The following PAX2 variants were observed in gnomAD, a reference collection of about 807,000 sequenced individuals.
PAX2 encodes the protein paired box protein Pax-2.
Under a neutral mutation model 41.7 loss-of-function variants are expected in PAX2, and 9 were observed. The observed-to-expected ratio is 0.22, with a 90% CI of 0.13 to 0.38. The LOEUF is 0.38. Among genes scored for constraint, PAX2 ranks in the 10% least tolerant of loss-of-function variants. The probability of loss-of-function intolerance (pLI) is 1.00; values close to 1 mark genes in which losing one functional copy is unlikely to be tolerated. For missense variants in PAX2, 418 were observed against 531.6 expected, an observed-to-expected ratio of 0.79 and a Z score of 2.10; for synonymous variants, 221 against 212.7, an observed-to-expected ratio of 1.04 and a Z score of -0.34.
intron 1 of PAX2, among the ~76,000 whole-genome samples, chr10:100,739,680 CCCCG>C (rs998702920): frequency 6.6e-6 from 1 of 152,216 alleles, no homozygotes; most frequent in Non-Finnish European, 1.5e-5. Context: ...TTTCGGCCGC[CCCCG>C]GCTGTCGCCT....
At chr10:100,798,905 G>T (rs1181045507) in intron 5 of PAX2, among the ~76,000 whole-genome samples, 1 of 152,260 alleles carries the variant, frequency 6.6e-6, no homozygotes, top group African/African-American at 2.4e-5. Context: ...GGCCTGCACA[G>T]GCAGGCTGCC....
At chr10:100,743,370 C>T (rs1845035253), upstream of PAX2, among the ~76,000 whole-genome samples, 3 of 152,084 alleles carry the variant, frequency 2.0e-5, 1 homozygote, top group East Asian at 3.9e-4. Context: ...TTTCATGGTA[C>T]TTGTAACATA....
chr10:100,735,836 C>A, intron 1 of PAX2: 3 of 785,064 alleles, frequency 3.8e-6, no homozygotes, highest in Non-Finnish European at 3.1e-6. Flanking sequence ...CATCCCTGTG[C>A]TCAGTACCCG....
chr10:100,784,853 T>C (rs1203123722), intron 5 of PAX2, among the ~76,000 whole-genome samples: 2 of 152,208 alleles, frequency 1.3e-5, no homozygotes, highest in Non-Finnish European at 2.9e-5. Context: ...TCCCATGCCT[T>C]GGCCTTTGAG....
intron 5 of PAX2, among the ~76,000 whole-genome samples, chr10:100,799,789 C>CTTTTTTTT (rs56012188): frequency 1.1e-5 from 1 of 89,894 alleles, no homozygotes; most frequent in African/African-American, 3.7e-5. Flanking sequence ...TAGTGTAATT[C>CTTTTTTTT]TTTTTTTTTT....
At chr10:100,774,207 G>T (rs1846308130) in intron 3 of PAX2, among the ~76,000 whole-genome samples, 1 of 152,202 alleles carries the variant, frequency 6.6e-6, no homozygotes, top group South Asian at 2.1e-4. Flanking sequence ...GGAGTTTCAT[G>T]CAGGGCTTTC....
upstream of PAX2, among the ~76,000 whole-genome samples, chr10:100,744,839 C>T (rs544753807): frequency 6.6e-6 from 1 of 152,320 alleles, no homozygotes; most frequent in East Asian, 1.9e-4. Context: ...TCTGGACTGC[C>T]CAGACCCGGT....
intron 5 of PAX2, among the ~76,000 whole-genome samples, chr10:100,787,969 G>T (rs963199500): frequency 6.6e-6 from 1 of 152,116 alleles, no homozygotes; most frequent in Non-Finnish European, 1.5e-5. Flanking sequence ...ACCGAGGGAG[G>T]TGGGGGATCT....
chr10:100,750,802 G>A lies in PAX2; in HGVS notation c.321G>A (p.Pro107=). 11 of 1,614,202 alleles carry A rather than the reference G, an allele frequency of 6.8e-6. No homozygotes were observed. Among genetic ancestry groups the A allele is most frequent in the Middle Eastern group, 1.6e-4 (1 of 6,062 alleles). The change falls in exon 3 of 10, where the codon CCG becomes CCA. Residue 107 remains proline, a synonymous_variant. Transcript: ENST00000355243. This position sits in a 1 kb window ranked among gnomAD's most constrained non-coding sequence, Gnocchi z 4.1. ...TTGCTGAATACAAACGACAGAACCC[G>A]ACTATGTTCGCCTGGGAGATTCGAG... is the stretch of plus-strand genomic sequence containing the variant. ...DKIAEYKRQN[P]TMFAWEIRDR... is the part of the protein sequence containing the mutation.
chr10:100,753,966 T>C (rs183403422), intron 3 of PAX2, among the ~76,000 whole-genome samples: 125 of 152,280 alleles, frequency 8.2e-4, no homozygotes, highest in Non-Finnish European at 1.5e-3. Context: ...CTCCTTAGCA[T>C]GTGGAATTTA....
chr10:100,827,611 C>G lies in PAX2; in HGVS notation c.1177C>G (p.Arg393Gly). 1 of 1,613,976 alleles carries G rather than the reference C, an allele frequency of 6.2e-7. No homozygotes were observed. Among genetic ancestry groups the G allele is most frequent in the East Asian group, 2.2e-5 (1 of 44,870 alleles). ...APAAAAAAYD[R>G]H ...TGCCGCTGCTGCCGCTGCCTATGAC[C>G]GCCACTAGTTACCGCGGGGACCACA... Residue 393 changes from arginine (R) to glycine (G), a missense_variant, in exon 10 of 10, where the codon CGC becomes GGC. Physicochemically the swap from Arg to Gly is moderately radical, Grantham distance 125 (BLOSUM62 -2). Around this residue, in one of 2 missense-constraint regions of PAX2, gnomAD observed 310 missense variants for 325.2 expected, o/e 0.95. Transcript: ENST00000355243. This position sits in a 1 kb window ranked among gnomAD's most constrained non-coding sequence, Gnocchi z 8.5.
intron 5 of PAX2, among the ~76,000 whole-genome samples, chr10:100,803,661 C>T (rs1342308594): frequency 6.6e-6 from 1 of 152,096 alleles, no homozygotes; most frequent in East Asian, 1.9e-4. Flanking sequence ...CCTCCTCCAG[C>T]CTCTCTGGGG....
chr10:100,749,667 G>C, intron 1 of PAX2, 79 bp from the exon 2 acceptor site: 5 of 1,550,984 alleles, frequency 3.2e-6, no homozygotes, highest in Non-Finnish European at 4.4e-6. Flanking sequence ...TCCTTCGCCC[G>C]TCCCGGGCCG....
intron 3 of PAX2, among the ~76,000 whole-genome samples, chr10:100,754,744 G>T (rs986123276): frequency 6.6e-6 from 1 of 152,176 alleles, no homozygotes; most frequent in Non-Finnish European, 1.5e-5. Flanking sequence ...GATATGTTCC[G>T]GGCTAGGGTC....
At chr10:100,774,643 CATT>C (rs755426671) in intron 3 of PAX2, among the ~76,000 whole-genome samples, 2 of 152,134 alleles carry the variant, frequency 1.3e-5, no homozygotes, top group Non-Finnish European at 2.9e-5. Context: ...TACTGGTCAT[CATT>C]GTTATTATAG....
chr10:100,762,476 G>T (rs1306765401), intron 3 of PAX2, among the ~76,000 whole-genome samples: 2 of 152,176 alleles, frequency 1.3e-5, no homozygotes, highest in African/African-American at 4.8e-5. Flanking sequence ...GTCATTTAGT[G>T]CCGTGATCCC....
chr10:100,785,213 G>A (rs561158875), intron 5 of PAX2, among the ~76,000 whole-genome samples: 6 of 152,338 alleles, frequency 3.9e-5, no homozygotes, highest in African/African-American at 1.4e-4. Flanking sequence ...CTACAATCAG[G>A]CTGAAAACTG....
At chr10:100,803,858 C>T (rs993874217) in intron 5 of PAX2, among the ~76,000 whole-genome samples, 1 of 152,154 alleles carries the variant, frequency 6.6e-6, no homozygotes, top group Non-Finnish European at 1.5e-5. Flanking sequence ...CCTCTGTAAC[C>T]TGTCTTACCA....
intron 4 of PAX2, among the ~76,000 whole-genome samples, chr10:100,780,753 A>G (rs1846587275): frequency 6.6e-6 from 1 of 152,202 alleles, no homozygotes; most frequent in Admixed American, 6.5e-5. Context: ...CAGACTCTAA[A>G]TCAGGATTGG....
Sources: gnomAD v4.1 joint callset for allele counts (sites outside exome capture counted in the v4.1 genomes callset) on GRCh38, gnomAD v4.1.1 for gene constraint, gnomAD v4.1.1 regional missense constraint, Gnocchi (gnomAD v3.1) non-coding constraint, MANE v1.5 for transcripts, NCBI Gene and HGNC (gene_info 2026-07-23, HGNC 2026-07-21) for gene names.